The following PDE4D variants were observed in gnomAD, a reference collection of about 807,000 sequenced individuals.
PDE4D encodes phosphodiesterase 4D.
PDE4D carries 24 observed loss-of-function variants against 87.4 expected under a neutral mutation model. The ratio of observed to expected loss-of-function variants is 0.27; its 90% CI spans 0.20 to 0.39. PDE4D has a LOEUF of 0.39. PDE4D is among the 10% of genes least tolerant of loss of function. PDE4D has a pLI of 1.00. For synonymous variants in PDE4D, 384 were observed against 383.2 expected (o/e 1.00, Z -0.02); for missense variants, 714 against 1,041.0 (o/e 0.69, Z 4.32).
intron 1 of PDE4D, among the ~76,000 whole-genome samples, chr5:59,649,959 T>C (rs927816478): frequency 2.2e-5 from 3 of 136,500 alleles, no homozygotes; most frequent in African/African-American, 8.0e-5. Context: ...CACTGTAGTG[T>C]TTCTTCAGAA....
chr5:59,160,363 C>A (rs1238050456), intron 5 of PDE4D, among the ~76,000 whole-genome samples: 1 of 151,984 alleles, frequency 6.6e-6, no homozygotes, highest in East Asian at 1.9e-4. Context: ...CTATCTCTTC[C>A]TTTTTATTCT....
At chr5:59,372,977 A>G (rs914694531) in intron 1 of PDE4D, among the ~76,000 whole-genome samples, 4 of 151,872 alleles carry the variant, frequency 2.6e-5, no homozygotes, top group African/African-American at 9.7e-5. Context: ...CTAATACCAC[A>G]ATCAAACCCT....
chr5:59,352,091 C>A (rs766231341), intron 1 of PDE4D, among the ~76,000 whole-genome samples: 1 of 152,014 alleles, frequency 6.6e-6, no homozygotes, highest in South Asian at 2.1e-4. Flanking sequence ...ATCCACCTCC[C>A]GAGGCTGTTT....
intron 1 of PDE4D, among the ~76,000 whole-genome samples, chr5:59,603,402 C>T (rs1044029367): frequency 1.3e-5 from 2 of 151,946 alleles, no homozygotes; most frequent in African/African-American, 4.8e-5. Flanking sequence ...AACTATTCCA[C>T]ATCACTAATC....
chr5:59,025,314 C>T (rs965889558), intron 6 of PDE4D, among the ~76,000 whole-genome samples: 1 of 151,980 alleles, frequency 6.6e-6, no homozygotes, highest in Non-Finnish European at 1.5e-5. Flanking sequence ...GAAAAAAACA[C>T]TAACAAATAT....
chr5:59,574,149 T>C (rs1822689229), intron 1 of PDE4D, among the ~76,000 whole-genome samples: 2 of 107,936 alleles, frequency 1.9e-5, no homozygotes, highest in South Asian at 2.7e-4. Context: ...TATATAAATA[T>C]ATATTTATAT....
intron 1 of PDE4D, among the ~76,000 whole-genome samples, chr5:60,468,023 C>CTAT (rs1306020108): frequency 1.3e-5 from 2 of 152,116 alleles, no homozygotes; most frequent in African/African-American, 4.8e-5. Flanking sequence ...AAGGAAAGTC[C>CTAT]TATGATAATA....
At chr5:60,057,903 T>C (rs570194207) in intron 2 of PDE4D, among the ~76,000 whole-genome samples, 14 of 152,040 alleles carry the variant, frequency 9.2e-5, no homozygotes, top group Non-Finnish European at 1.8e-4. Flanking sequence ...CTGATATATA[T>C]ACCAAAGGTC....
At chr5:59,303,936 G>A (rs1310221431) in intron 1 of PDE4D, among the ~76,000 whole-genome samples, 4 of 152,078 alleles carry the variant, frequency 2.6e-5, no homozygotes, top group Non-Finnish European at 5.9e-5. Flanking sequence ...GAATGATGGT[G>A]TTATTTTGAT....
chr5:58,996,248 C>A (rs1026635491), intron 6 of PDE4D, among the ~76,000 whole-genome samples: 4 of 152,092 alleles, frequency 2.6e-5, no homozygotes, highest in East Asian at 3.9e-4. Flanking sequence ...CAAACCTGCA[C>A]GTTCTGCACA....
rs369481292 is a variant in PDE4D, at chr5:59,645,069, C to T, written c.455+248099G>A. Among the ~76,000 whole-genome samples the T allele has an allele frequency of 3.0e-4, 45 of 152,292 alleles. 1 individual carries two copies. In the East Asian group the frequency reaches 7.3e-3, roughly 25 times the overall value. ...TATCAAAAAGAACTTGTGGAGGAGA[C>T]TTCATAAAATGAACTTCTAAGAAAT... On this transcript the variant is annotated intron_variant, in intron 1 of 14. Transcript: ENST00000340635.
chr5:59,797,686 A>C (rs1766648450), intron 1 of PDE4D, among the ~76,000 whole-genome samples: 1 of 152,120 alleles, frequency 6.6e-6, no homozygotes, highest in South Asian at 2.1e-4. Flanking sequence ...TCCACTATGC[A>C]GGCACCCCGA....
Position 59,108,861 on chromosome 5 carries a change from C to G in PDE4D, c.809-69890G>C, listed in dbSNP as rs556461483. ...AGAGGTTGCAGTAGTGAGTGGAGAT[C>G]GCACCACTGCACTCCAGCCTGGGTG... On this transcript the variant is annotated intron_variant, in intron 5 of 14. Coordinates refer to ENST00000340635, the MANE Select transcript of PDE4D (RefSeq NM_001104631.2). 2.0e-5 allele frequency among the ~76,000 whole-genome samples: 3 copies of G among 148,906 alleles called. No individual in the cohort carries two copies. In the South Asian group the frequency reaches 6.3e-4, roughly 31 times the overall value.
At chr5:59,034,004 A>G (rs1159205003) in intron 6 of PDE4D, among the ~76,000 whole-genome samples, 2 of 152,208 alleles carry the variant, frequency 1.3e-5, no homozygotes, top group South Asian at 4.1e-4. Context: ...TTTTATGCTA[A>G]GGTAACATCA....
intron 1 of PDE4D, among the ~76,000 whole-genome samples, chr5:60,439,248 T>C (rs1745004849): frequency 6.6e-6 from 1 of 151,272 alleles, no homozygotes; most frequent in Admixed American, 6.6e-5. Flanking sequence ...AAATACATGT[T>C]TTTTACAGGA....
At chr5:59,748,349 C>T (rs1250622460) in intron 1 of PDE4D, among the ~76,000 whole-genome samples, 2 of 152,112 alleles carry the variant, frequency 1.3e-5, no homozygotes, top group Admixed American at 6.5e-5. Context: ...GACACATGCA[C>T]ATGTATGTTT....
rs376488591 is a variant in PDE4D at position 59,317,310 on chromosome 5, C to T, written c.456-101342G>A. 4.6e-5 allele frequency among the ~76,000 whole-genome samples: 7 copies of T among 152,110 alleles called. No homozygotes were observed. The East Asian group carries it at 1.4e-3, about 29-fold the overall frequency. On this transcript the variant is annotated intron_variant, in intron 1 of 14. Coordinates refer to ENST00000340635, the MANE Select transcript of PDE4D (RefSeq NM_001104631.2). ...CATAGTACACACTAGGGGAGGCAAA[C>T]GTGTGCCTGTGTAATCTGCCTTCTT... is the stretch of plus-strand genomic sequence containing the variant.
At chr5:59,606,937 A>AG (rs1164112483) in intron 1 of PDE4D, among the ~76,000 whole-genome samples, 7 of 151,522 alleles carry the variant, frequency 4.6e-5, no homozygotes, top group East Asian at 1.9e-4. Context: ...TTCTTACAGA[A>AG]GGGGGGGAAG....
rs543456122 is a variant in PDE4D, at chr5:59,158,192, A to T, written c.808+22403T>A. ...GCTGAATGAAGACGATTGCCTTCTG[A>T]TCATTTAACTCTTCTCTGCCAGTTT... On this transcript the variant is annotated intron_variant, in intron 5 of 14. Coordinates refer to ENST00000340635, the MANE Select transcript of PDE4D (RefSeq NM_001104631.2). Among the ~76,000 whole-genome samples, 13 of 152,268 alleles carry T rather than the reference A, an allele frequency of 8.5e-5. No individual in the cohort carries two copies. The South Asian group carries it at 2.7e-3, about 32-fold the overall frequency.
Sources: allele counts gnomAD v4.1 joint callset (sites outside exome capture counted in the v4.1 genomes callset), GRCh38; gene constraint gnomAD v4.1.1; transcripts MANE v1.5; gene names NCBI Gene and HGNC (gene_info 2026-07-23, HGNC 2026-07-21).